KIF1C: variants seen among roughly 807,000 people sequenced by gnomAD.
The protein encoded by KIF1C is kinesin-like protein KIF1C.
In KIF1C, 61 loss-of-function variants were observed where a neutral mutation model predicts 126.5. That is an observed-to-expected ratio of 0.48 (90% CI 0.39 to 0.60). The LOEUF (loss-of-function observed/expected upper bound fraction) is 0.60. Ranked by LOEUF, KIF1C falls within the 20% of genes least tolerant of loss-of-function variation. The pLI, the probability that KIF1C is intolerant of heterozygous loss-of-function variation, is 0.00. For synonymous variants in KIF1C, 640 were observed against 580.6 expected, an observed-to-expected ratio of 1.10 and a Z score of -1.47; for missense variants, 1,315 against 1,489.2, an observed-to-expected ratio of 0.88 and a Z score of 1.93.
Position 5,020,470 on chromosome 17 carries a change from T to C in KIF1C, c.1751-22T>C. On this transcript the variant is annotated intron_variant, in intron 19 of 22. Coordinates refer to ENST00000320785, the MANE Select transcript of KIF1C (RefSeq NM_006612.6). The surrounding 1 kb of genome is among the most constrained non-coding windows in gnomAD (Gnocchi z 5.8). ...TGGTGCTGATGGGAAGCGAGTTTAC[T>C]TTTCCCTCCTCCCATCTCTAGGGAA... 1 of 1,591,538 alleles carries C rather than the reference T, an allele frequency of 6.3e-7. No individual in the cohort carries two copies. Among genetic ancestry groups the C allele is most frequent in the Non-Finnish European group, 8.6e-7 (1 of 1,166,220 alleles).
In KIF1C at chr17:5,023,417, G is replaced by A; in HGVS notation, c.2629-51G>A. ...TCCCTCTTGAATCCACATGTCCTGA[G>A]GATTCAGCTCTCCTCACATCCCTTC... is the stretch of plus-strand genomic sequence containing the variant. On this transcript the variant is annotated intron_variant, in intron 22 of 22. Transcript: ENST00000320785. The surrounding 1 kb of genome is among the most constrained non-coding windows in gnomAD (Gnocchi z 4.2). The A allele has an allele frequency of 6.7e-7, 1 of 1,496,344 alleles. No individual in the cohort carries two copies. The highest frequency in any genetic ancestry group is 1.2e-5 in the South Asian group (1 of 85,722). The allele number at this position is 1,496,344 out of a possible 1,614,324, so 92.7% of individuals were successfully genotyped here.
At chr17:5,004,446 C>G in intron 11 of KIF1C, 121 bp from the exon 12 acceptor site, 1 of 880,750 alleles carries the variant, frequency 1.1e-6, no homozygotes, top group African/African-American at 1.7e-5. Flanking sequence ...CTAGACTCCC[C>G]TACCTCAGAC....
intron 3 of KIF1C, 69 bp downstream of exon 3, chr17:5,000,421 C>T (rs545488400): frequency 1.5e-5 from 16 of 1,073,738 alleles, no homozygotes; most frequent in South Asian, 5.4e-5. Flanking sequence ...AGGCCAGTCC[C>T]GCTGGGCCAA....
rs760069519 is a variant in KIF1C at position 5,023,527 on chromosome 17, AGAGGCAGCAGAG to A, written c.2697_2708del (p.Glu900_Ala903del). On this transcript the variant is annotated inframe_deletion, in exon 23 of 23. Transcript: ENST00000320785. This position sits in a 1 kb window ranked among gnomAD's most constrained non-coding sequence, Gnocchi z 4.2. ...TCCCCTGGGCCCCGCCTGAAGGATC[AGAGGCAGCAGAG>A]GAGGCAGCCCCCAGTGACCGCATGC... 2.5e-6 allele frequency: 4 copies of A among 1,614,046 alleles called. No homozygotes were observed. The highest frequency in any genetic ancestry group is 1.7e-5 in the Admixed American group (1 of 60,008).
chr17:5,023,084 G>A lies in KIF1C; in HGVS notation c.2628+375G>A, dbSNP rs1200986350. On this transcript the variant is annotated intron_variant, in intron 22 of 22. Coordinates refer to ENST00000320785, the MANE Select transcript of KIF1C (RefSeq NM_006612.6). The surrounding 1 kb of genome is among the most constrained non-coding windows in gnomAD (Gnocchi z 4.2). ...GTCTGGAGTGCAGTGGCACAATCTC[G>A]GCTCACTGCAACTTCCGCCTCCCAG... is the stretch of plus-strand genomic sequence containing the variant. 1.3e-5 allele frequency among the ~76,000 whole-genome samples: 2 copies of A among 152,106 alleles called. No homozygotes were observed. Among genetic ancestry groups the A allele is most frequent in the African/African-American group, 2.4e-5 (1 of 41,402 alleles).
chr17:5,012,984 G>T (rs1055963198), intron 16 of KIF1C, among the ~76,000 whole-genome samples: 1 of 152,198 alleles, frequency 6.6e-6, no homozygotes, highest in African/African-American at 2.4e-5. Flanking sequence ...GCCCCAGGCG[G>T]GTGCTGCAGG....
In KIF1C at chr17:5,001,291, G is replaced by A. The variant is rs779390411; in HGVS notation, c.253G>A (p.Ala85Thr). Residue 85 changes from alanine (A) to threonine (T), a missense_variant, in exon 5 of 23, where the codon GCC (alanine) becomes ACC (threonine). This residue lies in a region of KIF1C where 874 missense variants were observed against 1,053.2 expected (regional missense o/e 0.83). Transcript: ENST00000320785. Reference sequence around the variant, plus strand: ...CATTGGAGAAGAGATGCTGCTCCACGCCTTTGAAGGCTACAACGTGTGCAT... The same window carrying A: ...CATTGGAGAAGAGATGCTGCTCCACACCTTTGAAGGCTACAACGTGTGCAT... Reference protein sequence around the residue: ...RDIGEEMLLHAFEGYNVCIFA... With the variant: ...RDIGEEMLLHTFEGYNVCIFA... The A allele has an allele frequency of 1.1e-5, 17 of 1,614,124 alleles. No individual in the cohort carries two copies. Among genetic ancestry groups the A allele is most frequent in the Middle Eastern group, 1.6e-4 (1 of 6,062 alleles).
At chr17:5,019,524 G>A (rs1000311424) in intron 18 of KIF1C, 10 of 178,174 alleles carry the variant, frequency 5.6e-5, no homozygotes, top group Non-Finnish European at 1.2e-4. Context: ...CATGTCAGCT[G>A]TGGCTTGAGA....
In KIF1C at chr17:5,001,307, A is replaced by G; in HGVS notation, c.269A>G (p.Asn90Ser). The change falls in exon 5 of 23, where the codon AAC becomes AGC. Residue 90 changes from asparagine (N) to serine (S), a missense_variant. Asn to Ser is a conservative substitution (Grantham distance 46). Transcript: ENST00000320785. ...EMLLHAFEGYNVCIFAYGQTG... is the reference protein window; with the variant it reads ...EMLLHAFEGYSVCIFAYGQTG... ...CTGCTCCACGCCTTTGAAGGCTACA[A>G]CGTGTGCATCTTTGCCTATGGGCAG... The G allele has an allele frequency of 6.2e-7, 1 of 1,614,142 alleles. No homozygotes were observed. Among genetic ancestry groups the G allele is most frequent in the Non-Finnish European group, 8.5e-7 (1 of 1,179,998 alleles).
chr17:5,002,978 G>A (rs899646488), intron 8 of KIF1C, 136 bp downstream of exon 8: 16 of 641,262 alleles, frequency 2.5e-5, no homozygotes, highest in African/African-American at 9.1e-5. Flanking sequence ...CCATGACCGC[G>A]CCCCACCCCT....
In KIF1C at chr17:5,026,400, A is replaced by G. The variant is rs531123877; in HGVS notation, c.*2249A>G. The G allele has an allele frequency of 6.6e-6, 1 of 152,284 alleles. No homozygotes were observed. Among genetic ancestry groups the G allele is most frequent in the East Asian group, 1.9e-4 (1 of 5,188 alleles). The allele number at this position is 152,284 out of a possible 1,614,324, so 9.4% of individuals were successfully genotyped here. A position where few individuals can be genotyped will look rare whatever the true frequency, so the allele number is the denominator to read the frequency against. On this transcript the variant is annotated 3_prime_UTR_variant, in exon 23 of 23. Coordinates refer to ENST00000320785, the MANE Select transcript of KIF1C (RefSeq NM_006612.6). ...AATAGCTTGCTAATTTAAAAGACGG[A>G]TTATTTTTCCCTAAAGACCTTGACT...
chr17:5,023,786 A>G lies in KIF1C; in HGVS notation c.2947A>G (p.Ser983Gly). The G allele has an allele frequency of 2.0e-6, 3 of 1,520,178 alleles. No individual in the cohort carries two copies. The highest frequency in any genetic ancestry group is 2.3e-5 in the Admixed American group (1 of 44,320). The allele number at this position is 1,520,178 out of a possible 1,614,324, so 94.2% of individuals were successfully genotyped here. A position where few individuals can be genotyped will look rare whatever the true frequency, so the allele number is the denominator to read the frequency against. Residue 983 changes from serine (S) to glycine (G), a missense_variant, in exon 23 of 23, where the codon AGC (serine) becomes GGC (glycine). Physicochemically the swap from Ser to Gly is moderately conservative, Grantham distance 56 (BLOSUM62 0). This residue lies in a region of KIF1C where 441 missense variants were observed against 436.1 expected (regional missense o/e 1.01). Transcript: ENST00000320785. This position sits in a 1 kb window ranked among gnomAD's most constrained non-coding sequence, Gnocchi z 4.2. ...HDCKLRFPFK[S>G]NPQHRESWPG... Reference sequence around the variant, plus strand: ...CTGCAAGCTACGCTTCCCCTTCAAGAGCAACCCCCAGCACCGGGAGTCTTG... The same window carrying G: ...CTGCAAGCTACGCTTCCCCTTCAAGGGCAACCCCCAGCACCGGGAGTCTTG...
Position 5,027,153 on chromosome 17 carries a change from G to A in KIF1C, c.*3002G>A, listed in dbSNP as rs1019063133. 2.0e-5 allele frequency: 3 copies of A among 152,190 alleles called. No homozygotes were observed. The highest frequency in any genetic ancestry group is 7.2e-5 in the African/African-American group (3 of 41,440). The allele number at this position is 152,190 out of a possible 1,614,324, so 9.4% of individuals were successfully genotyped here. ...TTTTATTTATTTATTTTTTGAGACGGAGTCTCGCTCTGTTGCCTAGGCTGG... is the reference window on the plus strand; with the variant it reads ...TTTTATTTATTTATTTTTTGAGACGAAGTCTCGCTCTGTTGCCTAGGCTGG... On this transcript the variant is annotated 3_prime_UTR_variant, in exon 23 of 23. Coordinates refer to ENST00000320785, the MANE Select transcript of KIF1C (RefSeq NM_006612.6).
rs1489808286 is a variant in KIF1C, at chr17:5,024,798, T to C, written c.*647T>C. The C allele has an allele frequency of 6.5e-6, 1 of 152,710 alleles. No individual in the cohort carries two copies. Among genetic ancestry groups the C allele is most frequent in the Non-Finnish European group, 1.5e-5 (1 of 68,126 alleles). 9.5% of individuals were successfully genotyped at this position (152,710 alleles called of 1,614,324 possible). ...GCATACTTATCAGTGAAGTATTGTA[T>C]GTGTGCTCTGTGCAGGCACCACCCA... On this transcript the variant is annotated 3_prime_UTR_variant, in exon 23 of 23. Transcript: ENST00000320785.
chr17:5,000,739 ACTTTCCT>A, intron 3 of KIF1C, 26 bp from the exon 4 acceptor site: 1 of 1,606,000 alleles, frequency 6.2e-7, no homozygotes, highest in South Asian at 1.1e-5. Context: ...CCTGACCTTG[ACTTTCCT>A]TCCTTTACCC....
At chr17:5,002,012 G>A in intron 5 of KIF1C, 47 bp from the exon 6 acceptor site, 1 of 1,563,964 alleles carries the variant, frequency 6.4e-7, no homozygotes, top group Non-Finnish European at 8.8e-7. Context: ...CACTTTAGGT[G>A]TGCCCTGAAC....
chr17:5,007,761 G>A (rs1974770260), intron 16 of KIF1C, among the ~76,000 whole-genome samples: 1 of 152,194 alleles, frequency 6.6e-6, no homozygotes, highest in Non-Finnish European at 1.5e-5. Flanking sequence ...CCTCAGGAGA[G>A]GGAGAGGACC....
rs558458786 is a variant in KIF1C, at chr17:5,013,756, G to T, written c.1571+24G>T. ...AGGTAGCGTGTACCCAGCGGCCTGG[G>T]GGGCAGCCTCTGCTTTTGGGGTGTG... On this transcript the variant is annotated intron_variant, in intron 17 of 22. Coordinates refer to ENST00000320785, the MANE Select transcript of KIF1C (RefSeq NM_006612.6). The T allele has an allele frequency of 8.8e-6, 14 of 1,597,862 alleles. No homozygotes were observed. In the South Asian group the frequency reaches 1.5e-4, roughly 18 times the overall value.
Position 5,024,164 on chromosome 17 carries a change from G to C in KIF1C, c.*13G>C. ...GGCAGCTGTGTGAGTCCCACATCCT[G>C]GGCAGAGGGCCTGGTGGGGCCCCTT... On this transcript the variant is annotated 3_prime_UTR_variant, in exon 23 of 23. Coordinates refer to ENST00000320785, the MANE Select transcript of KIF1C (RefSeq NM_006612.6). 1 of 1,583,412 alleles carries C rather than the reference G, an allele frequency of 6.3e-7. No individual in the cohort carries two copies. Among genetic ancestry groups the C allele is most frequent in the Non-Finnish European group, 8.6e-7 (1 of 1,164,622 alleles).
Sources: allele counts gnomAD v4.1 joint callset (sites outside exome capture counted in the v4.1 genomes callset), GRCh38; gene constraint gnomAD v4.1.1; regional missense constraint gnomAD v4.1.1; non-coding constraint Gnocchi (gnomAD v3.1); transcripts MANE v1.5; gene names NCBI Gene and HGNC (gene_info 2026-07-23, HGNC 2026-07-21).